GRID2: variants seen among roughly 807,000 people sequenced by gnomAD.
GRID2 encodes glutamate ionotropic receptor delta type subunit 2.
Under a neutral mutation model 114.8 loss-of-function variants are expected in GRID2, and 33 were observed. That is an observed-to-expected ratio of 0.29 (90% CI 0.22 to 0.38). The LOEUF (loss-of-function observed/expected upper bound fraction) is 0.38. Among genes scored for constraint, GRID2 ranks in the 10% least tolerant of loss-of-function variants. The pLI, the probability that GRID2 is intolerant of heterozygous loss-of-function variation, is 1.00. For synonymous variants in GRID2, 505 were observed against 449.9 expected (o/e 1.12, Z -1.55); for missense variants, 1,184 against 1,257.7 (o/e 0.94, Z 0.89).
chr4:93,113,188 C>T (rs1312031090), intron 4 of GRID2, among the ~76,000 whole-genome samples: 1 of 152,176 alleles, frequency 6.6e-6, no homozygotes. Context: ...CTTTATAGTA[C>T]TTACTATCTT....
At chr4:93,418,807 G>A (rs1767974023) in intron 9 of GRID2, among the ~76,000 whole-genome samples, 1 of 151,942 alleles carries the variant, frequency 6.6e-6, no homozygotes, top group Non-Finnish European at 1.5e-5. Context: ...TTCTAGAGAG[G>A]ATTGTGTTTT....
Position 92,603,517 on chromosome 4 carries a change from C to A in GRID2, c.244+13231C>A, listed in dbSNP as rs1560483925. On this transcript the variant is annotated intron_variant, in intron 2 of 15. Transcript: ENST00000282020. ...ATACTTAGAAAACTGAAACTGGACC[C>A]CTTTCTTATCCAAAAATTAACTCAA... is the stretch of plus-strand genomic sequence containing the variant. Among the ~76,000 whole-genome samples the A allele has an allele frequency of 4.6e-5, 7 of 151,568 alleles. No homozygotes were observed. The South Asian group carries it at 1.2e-3, about 27-fold the overall frequency.
chr4:92,868,895 A>G (rs1265479257), intron 2 of GRID2, among the ~76,000 whole-genome samples: 1 of 152,188 alleles, frequency 6.6e-6, no homozygotes, highest in Non-Finnish European at 1.5e-5. Context: ...ATGCATGAAA[A>G]AAATCTACTT....
At chr4:93,515,668 A>G (rs966408583) in intron 13 of GRID2, among the ~76,000 whole-genome samples, 2 of 152,122 alleles carry the variant, frequency 1.3e-5, no homozygotes, top group African/African-American at 4.8e-5. Flanking sequence ...TTTTGTTCAG[A>G]AAAGGGTTAA....
chr4:92,879,599 T>C (rs1392551663), intron 2 of GRID2, among the ~76,000 whole-genome samples: 1 of 152,242 alleles, frequency 6.6e-6, no homozygotes, highest in Non-Finnish European at 1.5e-5. Context: ...ACCATTGTCA[T>C]TTTTATTCAT....
chr4:93,356,202 T>A (rs17330230), intron 8 of GRID2, among the ~76,000 whole-genome samples: 9,669 of 152,156 alleles, frequency 0.064, 362 homozygotes, highest in Middle Eastern at 0.13. Flanking sequence ...ACTGTGCTAC[T>A]TCTTGCCATC....
chr4:92,517,857 C>T (rs1004455080), intron 1 of GRID2, among the ~76,000 whole-genome samples: 2 of 151,718 alleles, frequency 1.3e-5, no homozygotes, highest in South Asian at 2.1e-4. Context: ...ACTTTATCAG[C>T]TTTTGAGGTC....
At chr4:92,485,874 A>G (rs1722862225) in intron 1 of GRID2, among the ~76,000 whole-genome samples, 1 of 152,250 alleles carries the variant, frequency 6.6e-6, no homozygotes, top group East Asian at 1.9e-4. Flanking sequence ...TTTTACATAA[A>G]TAGCTTTCTA....
intron 2 of GRID2, among the ~76,000 whole-genome samples, chr4:93,021,417 T>A (rs1560802290): frequency 6.7e-6 from 1 of 149,976 alleles, no homozygotes; most frequent in African/African-American, 2.4e-5. Flanking sequence ...TTAACATATT[T>A]CTATTATAAA....
intron 3 of GRID2, among the ~76,000 whole-genome samples, chr4:93,093,592 T>C (rs150622800): frequency 2.6e-5 from 4 of 152,144 alleles, no homozygotes; most frequent in African/African-American, 9.6e-5. Context: ...GTATATTAAG[T>C]TGGTATAAAG....
chr4:93,224,449 A>G (rs1421061931), intron 6 of GRID2, among the ~76,000 whole-genome samples, 165 bp from the exon 7 acceptor site: 2 of 152,190 alleles, frequency 1.3e-5, no homozygotes, highest in Non-Finnish European at 2.9e-5. Context: ...TTCATTCTCA[A>G]TGACAAAATT....
chr4:93,541,703 C>T (rs951568526), intron 13 of GRID2, among the ~76,000 whole-genome samples: 12 of 152,094 alleles, frequency 7.9e-5, no homozygotes, highest in South Asian at 6.2e-4. Context: ...TTATGCAGTA[C>T]GGTTTGGGAG....
At chr4:93,750,034 AC>A (rs1176624383) in intron 14 of GRID2, among the ~76,000 whole-genome samples, 2 of 152,232 alleles carry the variant, frequency 1.3e-5, no homozygotes, top group African/African-American at 4.8e-5. Flanking sequence ...ATTGGTGAGC[AC>A]ACATTATATA....
rs1399507467 is a variant in GRID2 at position 92,504,589 on chromosome 4, AGTT to A, written c.89-85537_89-85535del. ...CTTTTTCTTTCATATGTTTTGGTGC[AGTT>A]GTTGAGATAATTTTTATCACTAATA... On this transcript the variant is annotated intron_variant, in intron 1 of 15. Coordinates refer to ENST00000282020, the MANE Select transcript of GRID2 (RefSeq NM_001510.4). 5.9e-5 allele frequency among the ~76,000 whole-genome samples: 9 copies of A among 152,038 alleles called. 1 individual carries two copies. The East Asian group carries it at 1.7e-3, about 29-fold the overall frequency.
At chr4:92,772,191 T>C (rs939514588) in intron 2 of GRID2, among the ~76,000 whole-genome samples, 6 of 152,198 alleles carry the variant, frequency 3.9e-5, no homozygotes. Context: ...TTGGCACCAG[T>C]GAGTTTAGGA....
chr4:92,556,842 A>C (rs2149178035), intron 1 of GRID2, among the ~76,000 whole-genome samples: 1 of 152,272 alleles, frequency 6.6e-6, no homozygotes, highest in Non-Finnish European at 1.5e-5. Flanking sequence ...TCTAATTATT[A>C]GATACAAATC....
intron 11 of GRID2, among the ~76,000 whole-genome samples, chr4:93,473,640 ACTGAAAT>A (rs200631963): frequency 0.019 from 2,878 of 152,232 alleles, 33 homozygotes; most frequent in Middle Eastern, 0.051. Flanking sequence ...CAAAAGGCAA[ACTGAAAT>A]TTAGCTCAAA....
intron 14 of GRID2, among the ~76,000 whole-genome samples, chr4:93,690,309 A>G (rs1370374781): frequency 6.6e-6 from 1 of 152,020 alleles, no homozygotes; most frequent in African/African-American, 2.4e-5. Context: ...GCAGGTGTGG[A>G]GGAAGGGGCT....
chr4:93,748,782 G>A (rs1732065237), intron 14 of GRID2, among the ~76,000 whole-genome samples: 1 of 150,592 alleles, frequency 6.6e-6, no homozygotes, highest in Non-Finnish European at 1.5e-5. Flanking sequence ...GACAATAAGG[G>A]GACAAAGCAA....
Sources: gnomAD v4.1 joint callset for allele counts (sites outside exome capture counted in the v4.1 genomes callset) on GRCh38, gnomAD v4.1.1 for gene constraint, MANE v1.5 for transcripts, NCBI Gene and HGNC (gene_info 2026-07-23, HGNC 2026-07-21) for gene names.